The following UGT1A9 variants were observed in gnomAD, a reference collection of about 807,000 sequenced individuals.
UGT1A9 encodes UDP glucuronosyltransferase family 1 member A9.
UGT1A9 carries 35 observed loss-of-function variants against 45.0 expected under a neutral mutation model. The ratio of observed to expected loss-of-function variants is 0.78; its 90% confidence interval spans 0.59 to 1.03. The LOEUF is 1.03. Among genes scored for constraint, UGT1A9 ranks in the 50% least tolerant of loss-of-function variants. The probability of loss-of-function intolerance (pLI) is 0.00; values close to 1 mark genes in which losing one functional copy is unlikely to be tolerated. For synonymous variants in UGT1A9, 278 were observed against 250.6 expected (o/e 1.11, Z -1.03); for missense variants, 687 against 666.6 (o/e 1.03, Z -0.34).
intron 1 of UGT1A9, among the ~76,000 whole-genome samples, chr2:233,744,198 G>A (rs1317214415): frequency 6.6e-6 from 1 of 151,870 alleles, no homozygotes; most frequent in Non-Finnish European, 1.5e-5. Flanking sequence ...CTCCAAAAAG[G>A]ATGGGAAAAA....
chr2:233,685,117 C>T (rs1026274223), intron 1 of UGT1A9, among the ~76,000 whole-genome samples: 11 of 151,976 alleles, frequency 7.2e-5, no homozygotes, highest in African/African-American at 2.7e-4. Context: ...TGAGTCTATC[C>T]AGGTGAATTA....
chr2:233,757,296 G>T (rs1428870685), intron 1 of UGT1A9, among the ~76,000 whole-genome samples: 51 of 129,586 alleles, frequency 3.9e-4, no homozygotes, highest in African/African-American at 1.4e-3. Flanking sequence ...ACAGCTGGGG[G>T]TTGGGGGACA....
At chr2:233,719,240 C>T (rs753605986) in intron 1 of UGT1A9, 10 of 1,614,038 alleles carry the variant, frequency 6.2e-6, no homozygotes, top group Non-Finnish European at 8.5e-6. Context: ...TGATCAGGCA[C>T]CTGAATGCTA....
intron 1 of UGT1A9, chr2:233,753,518 C>T (rs1032528502): frequency 5.9e-5 from 9 of 152,196 alleles, no homozygotes; most frequent in Non-Finnish European, 1.0e-4. Flanking sequence ...AGTTGTTGCC[C>T]TTTTGCTCTC....
At chr2:233,692,353 G>A (rs13015720) in intron 1 of UGT1A9, 60,428 of 154,122 alleles carry the variant, frequency 0.39, 12,046 homozygotes, top group South Asian at 0.45. Flanking sequence ...CTTCAGTTCT[G>A]TGAGCCATTC....
intron 1 of UGT1A9, among the ~76,000 whole-genome samples, chr2:233,687,583 T>TAAAAA (rs71398794): frequency 9.3e-6 from 1 of 107,450 alleles, no homozygotes. Flanking sequence ...ACATTCTTTG[T>TAAAAA]AAAAAAAAAA....
At position 233,709,398 on chromosome 2, in the gene UGT1A9, T is replaced by C. The variant is rs1379256166; in HGVS notation, c.855+36609T>C. 2.0e-5 allele frequency among the ~76,000 whole-genome samples: 3 copies of C among 152,212 alleles called. No individual in the cohort carries two copies. In the East Asian group the frequency reaches 5.8e-4, roughly 29 times the overall value. On this transcript the variant is annotated intron_variant, in intron 1 of 4. Transcript: ENST00000354728. ...AATCTAAATTTCTTTTAATAATCTA[T>C]GGGTGAACACTCAATAAGAATGTCC...
intron 1 of UGT1A9, chr2:233,748,136 T>A: frequency 6.2e-7 from 1 of 1,609,324 alleles, no homozygotes; most frequent in Non-Finnish European, 8.5e-7. Context: ...TTTTAAAAAT[T>A]GTATTTACTT....
rs149856651 is a variant in UGT1A9 at position 233,729,965 on chromosome 2, A to G, written c.856-37069A>G. 8 of 1,613,950 alleles carry G rather than the reference A, an allele frequency of 5.0e-6. No individual in the cohort carries two copies. In the African/African-American group the frequency reaches 9.3e-5, roughly 19 times the overall value. Reference sequence around the variant, plus strand: ...AACATGGTCTTCATTGGGGGCATCAACTGTGCCAACAGGAAGCCACTATCT... The same window carrying G: ...AACATGGTCTTCATTGGGGGCATCAGCTGTGCCAACAGGAAGCCACTATCT... On this transcript the variant is annotated intron_variant, in intron 1 of 4. Coordinates refer to ENST00000354728, the MANE Select transcript of UGT1A9 (RefSeq NM_021027.3).
chr2:233,701,290 G>A (rs1052682506), intron 1 of UGT1A9, among the ~76,000 whole-genome samples: 2 of 152,088 alleles, frequency 1.3e-5, no homozygotes, highest in South Asian at 2.1e-4. Context: ...TTGAGGAATC[G>A]CCACACTGTC....
chr2:233,706,044 G>A (rs2075886174), intron 1 of UGT1A9, among the ~76,000 whole-genome samples: 1 of 152,138 alleles, frequency 6.6e-6, no homozygotes, highest in Admixed American at 6.5e-5. Context: ...GCAGTGAGCC[G>A]AGATCACGCC....
chr2:233,732,561 G>A (rs1386480566), intron 1 of UGT1A9, among the ~76,000 whole-genome samples: 1 of 152,180 alleles, frequency 6.6e-6, no homozygotes, highest in African/African-American at 2.4e-5. Context: ...ATTAAATAAG[G>A]AATCCTTTCC....
intron 1 of UGT1A9, chr2:233,682,523 GGGT>G (rs774986893): frequency 1.2e-6 from 2 of 1,613,852 alleles, no homozygotes; most frequent in Middle Eastern, 1.7e-4. Flanking sequence ...ACTTCTCTTA[GGGT>G]TCTCAGACGC....
chr2:233,725,463 A>G (rs1262858111), intron 1 of UGT1A9, among the ~76,000 whole-genome samples: 1 of 152,026 alleles, frequency 6.6e-6, no homozygotes, highest in Non-Finnish European at 1.5e-5. Flanking sequence ...AAACTTTTCT[A>G]GTGGGCATGT....
chr2:233,754,685 T>G (rs1172577930), intron 1 of UGT1A9: 1 of 484,648 alleles, frequency 2.1e-6, no homozygotes, highest in African/African-American at 2.0e-5. Context: ...CATCAACTAT[T>G]TCAGTGGAAG....
At chr2:233,697,848 C>G (rs2075412973) in intron 1 of UGT1A9, among the ~76,000 whole-genome samples, 2 of 151,974 alleles carry the variant, frequency 1.3e-5, no homozygotes, top group African/African-American at 4.8e-5. Context: ...AGTTAGTAAG[C>G]AAAAGTTATG....
At chr2:233,723,367 A>C (rs1057114040) in intron 1 of UGT1A9, among the ~76,000 whole-genome samples, 6 of 125,432 alleles carry the variant, frequency 4.8e-5, no homozygotes, top group Middle Eastern at 3.9e-3. Context: ...ACGTCACCAC[A>C]CCTGGCTAAT....
chr2:233,675,418 TA>T (rs1436789609), intron 1 of UGT1A9, among the ~76,000 whole-genome samples: 1 of 152,174 alleles, frequency 6.6e-6, no homozygotes, highest in Non-Finnish European at 1.5e-5. Context: ...CCAACAGAAT[TA>T]ATGACTGGTT....
At chr2:233,678,616 T>G (rs916626569) in intron 1 of UGT1A9, among the ~76,000 whole-genome samples, 1 of 152,252 alleles carries the variant, frequency 6.6e-6, no homozygotes, top group African/African-American at 2.4e-5. Context: ...GGTTCATGTC[T>G]TAATAGAAGT....
Sources: gnomAD v4.1 joint callset for allele counts (sites outside exome capture counted in the v4.1 genomes callset) on GRCh38, gnomAD v4.1.1 for gene constraint, MANE v1.5 for transcripts, NCBI Gene and HGNC (gene_info 2026-07-23, HGNC 2026-07-21) for gene names.